Variants in RFC3 observed in about 807,000 individuals in gnomAD.
RFC3 encodes the protein replication factor C subunit 3.
Under a neutral mutation model 45.1 loss-of-function variants are expected in RFC3, and 41 were observed. That is an observed-to-expected ratio of 0.91 (90% CI 0.71 to 1.18). The LOEUF is 1.18. RFC3 is among the 50% of genes most tolerant of loss of function. The pLI is 0.00. For synonymous variants in RFC3, 149 were observed against 144.0 expected, an observed-to-expected ratio of 1.03 and a Z score of -0.25; for missense variants, 423 against 428.1, an observed-to-expected ratio of 0.99 and a Z score of 0.10.
At chr13:33,835,906 C>T (rs2082149729) in intron 8 of RFC3, among the ~76,000 whole-genome samples, 198 bp from the exon 9 acceptor site, 1 of 152,108 alleles carries the variant, frequency 6.6e-6, no homozygotes, top group Admixed American at 6.6e-5. Context: ...GGTTGATACC[C>T]ACCACATTTT....
At chr13:33,976,432 G>C in the RFC3 span, among the ~76,000 whole-genome samples, 1 of 152,154 alleles carries the variant, frequency 6.6e-6, no homozygotes, top group Non-Finnish European at 1.5e-5. Context: ...GGGGAGAGCA[G>C]AGATGAGGAG....
intron 8 of RFC3, chr13:33,847,753 A>G (rs1056935636): frequency 2.0e-5 from 3 of 152,164 alleles, no homozygotes; most frequent in African/African-American, 4.8e-5. Flanking sequence ...AGTTTAGTCT[A>G]AAAGGGATGT....
At chr13:33,877,392 T>C (rs2082455383) in intron 8 of RFC3, among the ~76,000 whole-genome samples, 1 of 152,226 alleles carries the variant, frequency 6.6e-6, no homozygotes, top group Non-Finnish European at 1.5e-5. Context: ...TGCATGCATT[T>C]TCTTTGTAAA....
chr13:33,975,499 T>C, the RFC3 span, among the ~76,000 whole-genome samples: 1 of 152,206 alleles, frequency 6.6e-6, no homozygotes, highest in Admixed American at 6.5e-5. Flanking sequence ...TCAAAACCCA[T>C]AGAACTTTAC....
chr13:33,947,651 A>G (rs2082962654), intron 8 of RFC3, among the ~76,000 whole-genome samples: 1 of 152,174 alleles, frequency 6.6e-6, no homozygotes, highest in Admixed American at 6.5e-5. Context: ...AAGATGTGAG[A>G]AAGTTTGGAA....
intron 8 of RFC3, among the ~76,000 whole-genome samples, chr13:33,957,221 ATGG>A (rs1485422378): frequency 2.6e-5 from 4 of 152,236 alleles, no homozygotes; most frequent in Non-Finnish European, 4.4e-5. Flanking sequence ...TCAAAAAATT[ATGG>A]TGAAAAGCTG....
downstream of RFC3, among the ~76,000 whole-genome samples, chr13:33,967,375 A>T (rs931317825): frequency 3.3e-5 from 5 of 152,160 alleles, no homozygotes; most frequent in African/African-American, 9.7e-5. Context: ...TTTGTTTAAG[A>T]AACACTACTA....
chr13:33,942,470 A>G (rs886324647), intron 8 of RFC3, among the ~76,000 whole-genome samples: 1 of 152,146 alleles, frequency 6.6e-6, no homozygotes, highest in African/African-American at 2.4e-5. Flanking sequence ...TTGTGTTAGG[A>G]ACATTCCATA....
Position 33,836,996 on chromosome 13 carries a change from T to G in RFC3, c.*701T>G. The stretch of plus-strand genomic sequence containing the variant: ...TTGAACAGGTTTTGTGTTTTGTCAT[T>G]AGCTCTGCCCTTTTTAATTAAATAT... On this transcript the variant is annotated 3_prime_UTR_variant, in exon 9 of 9. Coordinates refer to ENST00000380071, the MANE Select transcript of RFC3 (RefSeq NM_002915.4). 1 of 984,590 alleles carries G rather than the reference T, an allele frequency of 1.0e-6. No individual in the cohort carries two copies. Among genetic ancestry groups the G allele is most frequent in the African/African-American group, 1.7e-5 (1 of 57,342 alleles). 61.0% of individuals were successfully genotyped at this position (984,590 alleles called of 1,614,324 possible).
chr13:33,915,943 C>T (rs1392783704), intron 8 of RFC3, among the ~76,000 whole-genome samples: 4 of 151,970 alleles, frequency 2.6e-5, no homozygotes, highest in African/African-American at 7.2e-5. Flanking sequence ...GGACTATAGG[C>T]GCACTCCACC....
intron 8 of RFC3, among the ~76,000 whole-genome samples, chr13:33,873,567 CAG>C (rs919086483): frequency 6.6e-6 from 1 of 152,096 alleles, no homozygotes; most frequent in Non-Finnish European, 1.5e-5. Context: ...AACAAACTGA[CAG>C]AGAGAGGATA....
chr13:33,839,001 C>T (rs1351733667), downstream of RFC3, among the ~76,000 whole-genome samples: 1 of 152,046 alleles, frequency 6.6e-6, no homozygotes, highest in Non-Finnish European at 1.5e-5. Flanking sequence ...TTTAGCCTGG[C>T]TTTATCCTTC....
At chr13:33,858,606 C>T (rs1393065209) in intron 8 of RFC3, among the ~76,000 whole-genome samples, 1 of 152,088 alleles carries the variant, frequency 6.6e-6, no homozygotes, top group Non-Finnish European at 1.5e-5. Flanking sequence ...CCTAGAGGCA[C>T]CTGATACACT....
chr13:33,956,196 GAT>G (rs2083021005), intron 8 of RFC3, among the ~76,000 whole-genome samples: 1 of 152,168 alleles, frequency 6.6e-6, no homozygotes, highest in African/African-American at 2.4e-5. Context: ...AAAGAGAAAA[GAT>G]TAAAGTGTAT....
At chr13:33,840,591 TG>T (rs1415481734), downstream of RFC3, among the ~76,000 whole-genome samples, 10 of 33,994 alleles carry the variant, frequency 2.9e-4, no homozygotes, top group Admixed American at 2.3e-4. Flanking sequence ...TTCTTTTTTT[TG>T]TGTGTGTTTT....
chr13:33,856,266 A>C (rs1322843729), intron 8 of RFC3, among the ~76,000 whole-genome samples: 2 of 152,166 alleles, frequency 1.3e-5, no homozygotes, highest in South Asian at 2.1e-4. Context: ...GTTTTTATTT[A>C]TAAGTGGGAG....
At chr13:33,844,430 T>G (rs1344874013) in intron 8 of RFC3, among the ~76,000 whole-genome samples, 3 of 152,174 alleles carry the variant, frequency 2.0e-5, no homozygotes, top group Admixed American at 6.5e-5. Context: ...TACTACCGTT[T>G]TATCATTTGT....
chr13:33,880,867 C>T (rs1325333925), intron 8 of RFC3, among the ~76,000 whole-genome samples: 1 of 152,022 alleles, frequency 6.6e-6, no homozygotes, highest in East Asian at 1.9e-4. Context: ...ACCAGCCTGG[C>T]CAATATAGTG....
intron 8 of RFC3, among the ~76,000 whole-genome samples, chr13:33,925,583 T>A (rs61945826): frequency 1.9e-5 from 2 of 107,724 alleles, no homozygotes; most frequent in African/African-American, 5.7e-5. Flanking sequence ...TACATACATA[T>A]ATAGTGTACT....
Sources: allele counts gnomAD v4.1 joint callset (sites outside exome capture counted in the v4.1 genomes callset), GRCh38; gene constraint gnomAD v4.1.1; transcripts MANE v1.5; gene names NCBI Gene and HGNC (gene_info 2026-07-23, HGNC 2026-07-21).